FGFR2: variants seen among roughly 807,000 people sequenced by gnomAD.
FGFR2 encodes the protein BEK fibroblast growth factor receptor.
In FGFR2, 19 loss-of-function variants were observed where a neutral mutation model predicts 95.9. That is an observed-to-expected ratio of 0.20 (90% CI 0.14 to 0.29). The LOEUF (loss-of-function observed/expected upper bound fraction) is 0.29, where lower values mean the gene tolerates loss of function less well. Ranked by LOEUF, FGFR2 falls within the 10% of genes least tolerant of loss-of-function variation. The pLI is 1.00. For missense variants in FGFR2, 707 were observed against 1,056.9 expected (o/e 0.67, Z 4.59); for synonymous variants, 392 against 393.3 (o/e 1.00, Z 0.04).
At chr10:121,539,868 T>C (rs1019658404) in intron 5 of FGFR2, among the ~76,000 whole-genome samples, 2 of 152,172 alleles carry the variant, frequency 1.3e-5, no homozygotes, top group African/African-American at 4.8e-5. Flanking sequence ...TCGTAACCAC[T>C]CCACTATAAA....
chr10:121,490,798 A>G (rs1157596084), intron 13 of FGFR2, among the ~76,000 whole-genome samples: 1 of 152,168 alleles, frequency 6.6e-6, no homozygotes, highest in Non-Finnish European at 1.5e-5. Flanking sequence ...GAATTATTTG[A>G]TTCCACCCCG....
chr10:121,481,642 A>G (rs1844701170), intron 17 of FGFR2, among the ~76,000 whole-genome samples: 1 of 152,104 alleles, frequency 6.6e-6, no homozygotes, highest in South Asian at 2.1e-4. Context: ...TGATTTTCAG[A>G]AGGAAAGAAA....
chr10:121,502,439 T>G (rs909998584), intron 10 of FGFR2, among the ~76,000 whole-genome samples: 9 of 152,154 alleles, frequency 5.9e-5, no homozygotes, highest in South Asian at 2.1e-4. Flanking sequence ...CCATTAACAC[T>G]CTAACCAAAT....
chr10:121,484,164 C>T (rs1359418397), intron 16 of FGFR2, among the ~76,000 whole-genome samples: 2 of 152,108 alleles, frequency 1.3e-5, no homozygotes, highest in Admixed American at 6.5e-5. Context: ...TCCAGTCTTC[C>T]CTCCCCTGAC....
chr10:121,538,979 T>C (rs936677144), intron 5 of FGFR2, among the ~76,000 whole-genome samples: 1 of 152,238 alleles, frequency 6.6e-6, no homozygotes, highest in Non-Finnish European at 1.5e-5. Flanking sequence ...GTTACCATAA[T>C]GGATTTGAGG....
intron 9 of FGFR2, among the ~76,000 whole-genome samples, chr10:121,509,365 G>A (rs1848718958): frequency 6.8e-6 from 1 of 147,120 alleles, no homozygotes; most frequent in Admixed American, 6.8e-5. Context: ...AAGCTTTTAA[G>A]TAAATGTGCT....
At chr10:121,565,872 A>C in intron 2 of FGFR2, 168 bp from the exon 3 acceptor site, 1 of 746,058 alleles carries the variant, frequency 1.3e-6, no homozygotes, top group South Asian at 1.7e-5. Context: ...GAAGTCAGGA[A>C]GTATCTGGAA....
intron 2 of FGFR2, among the ~76,000 whole-genome samples, chr10:121,579,527 TTCA>T (rs45631542): frequency 0.11 from 16,541 of 152,214 alleles, 1,157 homozygotes; most frequent in African/African-American, 0.21. Flanking sequence ...TTTTGTGAGA[TTCA>T]TCATTATCAA....
chr10:121,514,267 C>T (rs1221612812), intron 9 of FGFR2, among the ~76,000 whole-genome samples: 13 of 152,346 alleles, frequency 8.5e-5, no homozygotes, highest in Admixed American at 2.0e-4. Context: ...TCTGCATCTA[C>T]ATCTGCCTTC....
chr10:121,488,666 A>G (rs1845749743), intron 13 of FGFR2, among the ~76,000 whole-genome samples: 1 of 152,224 alleles, frequency 6.6e-6, no homozygotes, highest in Non-Finnish European at 1.5e-5. Context: ...TGGAATTATA[A>G]ATAAATAGAA....
intron 5 of FGFR2, among the ~76,000 whole-genome samples, chr10:121,546,945 A>G (rs1854604946): frequency 1.3e-5 from 2 of 152,202 alleles, no homozygotes; most frequent in Non-Finnish European, 2.9e-5. Flanking sequence ...GGCAAATGGG[A>G]CGGGTGCAGT....
rs564881818 is a variant in FGFR2 at position 121,516,484 on chromosome 10, T to A, written c.1084+835A>T. ...ATTTTTACTAGATGTAAAATAAGCA[T>A]GCAGGTAAGCACTGTACTCTAAAAA... On this transcript the variant is annotated intron_variant, in intron 8 of 17. Coordinates refer to ENST00000358487, the MANE Select transcript of FGFR2 (RefSeq NM_000141.5). 4.6e-5 allele frequency among the ~76,000 whole-genome samples: 7 copies of A among 152,318 alleles called. No individual in the cohort carries two copies. In the South Asian group the frequency reaches 1.2e-3, roughly 27 times the overall value.
chr10:121,509,702 C>T (rs1467763634), intron 9 of FGFR2, among the ~76,000 whole-genome samples: 4 of 151,762 alleles, frequency 2.6e-5, no homozygotes, highest in East Asian at 1.9e-4. Context: ...AGGCTGGTCT[C>T]GAACTCCTGA....
At chr10:121,578,871 T>C (rs9787432) in intron 2 of FGFR2, among the ~76,000 whole-genome samples, 5,391 of 152,238 alleles carry the variant, frequency 0.035, 247 homozygotes, top group African/African-American at 0.1. Flanking sequence ...GATTGTGCCA[T>C]TGCACTCCAG....
chr10:121,577,742 G>A (rs746302694), intron 2 of FGFR2, among the ~76,000 whole-genome samples: 11 of 151,908 alleles, frequency 7.2e-5, no homozygotes, highest in Non-Finnish European at 1.5e-4. Context: ...CCTCCTCCCC[G>A]CAGATGCCAC....
At chr10:121,490,882 GA>G (rs1708700578) in intron 13 of FGFR2, among the ~76,000 whole-genome samples, 1 of 152,170 alleles carries the variant, frequency 6.6e-6, no homozygotes, top group Non-Finnish European at 1.5e-5. Context: ...GGGAAAGCAA[GA>G]AAGCCACGCA....
At chr10:121,487,946 G>C (rs2133832663) in intron 14 of FGFR2, 45 bp downstream of exon 14, 1 of 1,613,118 alleles carries the variant, frequency 6.2e-7, no homozygotes, top group African/African-American at 1.3e-5. Flanking sequence ...AACATTCTGA[G>C]CCTCACCCCC....
At chr10:121,596,586 A>C (rs574042116) in intron 1 of FGFR2, 1 of 202,526 alleles carries the variant, frequency 4.9e-6, no homozygotes, top group Non-Finnish European at 1.0e-5. Flanking sequence ...TCTCCCCAGC[A>C]CTGAGTAGGA....
chr10:121,555,202 G>A (rs1470469560), intron 4 of FGFR2, among the ~76,000 whole-genome samples: 1 of 152,058 alleles, frequency 6.6e-6, no homozygotes, highest in Non-Finnish European at 1.5e-5. Context: ...GTGAAACCCC[G>A]TCTCCACTAA....
Sources: gnomAD v4.1 joint callset for allele counts (sites outside exome capture counted in the v4.1 genomes callset) on GRCh38, gnomAD v4.1.1 for gene constraint, MANE v1.5 for transcripts, NCBI Gene and HGNC (gene_info 2026-07-23, HGNC 2026-07-21) for gene names.